The following DEUP1 variants were observed in gnomAD, a reference collection of about 807,000 sequenced individuals.
The protein encoded by DEUP1 is deuterosome assembly protein 1.
A neutral mutation model predicts 87.4 loss-of-function variants in DEUP1; 82 were observed. The ratio of observed to expected loss-of-function variants is 0.94; its 90% CI spans 0.78 to 1.13. The LOEUF is 1.13. Among genes scored for constraint, DEUP1 ranks in the 50% most tolerant of loss-of-function variants. The pLI is 0.00. For synonymous variants in DEUP1, 214 were observed against 222.7 expected (o/e 0.96, Z 0.35); for missense variants, 663 against 681.5 (o/e 0.97, Z 0.30).
At chr11:93,419,873 A>T (rs1311202186) in intron 13 of DEUP1, among the ~76,000 whole-genome samples, 2 of 134,318 alleles carry the variant, frequency 1.5e-5, no homozygotes, top group African/African-American at 6.0e-5. Flanking sequence ...AAAATAAAAT[A>T]AAATAAAAAT....
intron 13 of DEUP1, among the ~76,000 whole-genome samples, chr11:93,418,438 C>T (rs1485407038): frequency 6.6e-6 from 1 of 152,234 alleles, no homozygotes; most frequent in East Asian, 1.9e-4. Flanking sequence ...AAAATGCTCA[C>T]TATCACTGGC....
At chr11:93,416,272 G>A (rs1026040640) in intron 13 of DEUP1, among the ~76,000 whole-genome samples, 1 of 152,024 alleles carries the variant, frequency 6.6e-6, no homozygotes, top group African/African-American at 2.4e-5. Context: ...CAACAAAATT[G>A]ATAGACTGCT....
chr11:93,383,810 G>T (rs1946413130), intron 7 of DEUP1, among the ~76,000 whole-genome samples: 1 of 152,036 alleles, frequency 6.6e-6, no homozygotes, highest in Non-Finnish European at 1.5e-5. Flanking sequence ...TACACTAGAG[G>T]TCTATTTAAC....
Position 93,389,122 on chromosome 11 carries a change from C to A in DEUP1, c.1038C>A (p.Asn346Lys). The A allele has an allele frequency of 1.3e-6, 2 of 1,557,352 alleles. No individual in the cohort carries two copies. The highest frequency in any genetic ancestry group is 1.8e-6 in the Non-Finnish European group (2 of 1,139,284). ...AACCAAATCATGAAAAAGAATTGAA[C>A]AAGGTATGAAAAATAATGAGCTCCA... ...QDQPNHEKEL[N>K]KIRSQLQQVE... The change falls in exon 9 of 14, where the codon AAC becomes AAA. Residue 346 changes from asparagine (N) to lysine (K), a missense_variant. Asn to Lys is a moderately conservative substitution (Grantham distance 94). Transcript: ENST00000298050.
At chr11:93,354,686 C>T (rs1226966579) in intron 2 of DEUP1, among the ~76,000 whole-genome samples, 1 of 152,124 alleles carries the variant, frequency 6.6e-6, no homozygotes. Flanking sequence ...AAGTGGAAAC[C>T]CCTGATAAAC....
chr11:93,396,503 C>A lies in DEUP1; in HGVS notation c.1326+178C>A, dbSNP rs547579312. 7 of 493,618 alleles carry A rather than the reference C, an allele frequency of 1.4e-5. No homozygotes were observed. In the East Asian group the frequency reaches 2.1e-4, roughly 15 times the overall value. The allele number at this position is 493,618 out of a possible 1,614,324, so 30.6% of individuals were successfully genotyped here. A position where few individuals can be genotyped will look rare whatever the true frequency, so the allele number is the denominator to read the frequency against. Reference sequence around the variant, plus strand: ...TCCTCAGGCTAGAACATTGGAATGTCTGGTTTTCTCCCTTGTTCTTTGGTT... The same window carrying A: ...TCCTCAGGCTAGAACATTGGAATGTATGGTTTTCTCCCTTGTTCTTTGGTT... On this transcript the variant is annotated intron_variant, in intron 11 of 13. Coordinates refer to ENST00000298050, the MANE Select transcript of DEUP1 (RefSeq NM_181645.4).
intron 2 of DEUP1, among the ~76,000 whole-genome samples, chr11:93,333,236 A>G (rs1943577496): frequency 6.6e-6 from 1 of 152,190 alleles, no homozygotes; most frequent in Non-Finnish European, 1.5e-5. Context: ...AAGATTGAAG[A>G]TTATGTCTGT....
rs565677651 is a variant in DEUP1 at position 93,419,040 on chromosome 11, C to T, written c.1638+3926C>T. On this transcript the variant is annotated intron_variant, in intron 13 of 13. Transcript: ENST00000298050. ...CACTCTGGGGACTGTTGTGGGGTGG[C>T]GGGAGGGGGGAGGGATAGCATTGGG... Among the ~76,000 whole-genome samples the T allele has an allele frequency of 1.3e-4, 8 of 59,882 alleles. No homozygotes were observed. In the South Asian group the frequency reaches 1.7e-3, roughly 12 times the overall value. 39.3% of individuals were successfully genotyped at this position (59,882 alleles called of 152,430 possible).
At chr11:93,394,354 C>T (rs989989905) in intron 9 of DEUP1, 105 bp from the exon 10 acceptor site, 8 of 716,834 alleles carry the variant, frequency 1.1e-5, no homozygotes, top group South Asian at 5.3e-5. Context: ...TGAAGTGGGC[C>T]CTGACAAAGT....
Position 93,437,847 on chromosome 11 carries a change from C to T in DEUP1, c.*128C>T. ...TCTGTTTCCTTGAGTAAATAATTTC[C>T]GTAAGGCAGCTAGAAAATAGTAAGT... On this transcript the variant is annotated 3_prime_UTR_variant, in exon 14 of 14. Coordinates refer to ENST00000298050, the MANE Select transcript of DEUP1 (RefSeq NM_181645.4). The T allele has an allele frequency of 8.0e-6, 5 of 623,064 alleles. No homozygotes were observed. Among genetic ancestry groups the T allele is most frequent in the Admixed American group, 5.9e-5 (2 of 34,174 alleles). The allele number at this position is 623,064 out of a possible 1,614,324, so 38.6% of individuals were successfully genotyped here.
chr11:93,362,134 AAT>A (rs1467285205), intron 4 of DEUP1, among the ~76,000 whole-genome samples: 2 of 152,034 alleles, frequency 1.3e-5, no homozygotes, highest in African/African-American at 2.4e-5. Context: ...CATAGGAGTA[AAT>A]CTTCATGACC....
intron 12 of DEUP1, among the ~76,000 whole-genome samples, chr11:93,409,122 G>T (rs1012463332): frequency 6.6e-6 from 1 of 152,160 alleles, no homozygotes; most frequent in African/African-American, 2.4e-5. Context: ...CTCCCAAAGT[G>T]CTGGGATTAC....
At chr11:93,418,934 A>G (rs1373241725) in intron 13 of DEUP1, among the ~76,000 whole-genome samples, 1 of 152,032 alleles carries the variant, frequency 6.6e-6, no homozygotes, top group Non-Finnish European at 1.5e-5. Context: ...TCGCAAGAAC[A>G]AAAAACCAAA....
intron 9 of DEUP1, 150 bp from the exon 10 acceptor site, chr11:93,394,309 C>A: frequency 5.7e-6 from 3 of 522,634 alleles, no homozygotes; most frequent in Non-Finnish European, 6.8e-6. Flanking sequence ...TTATATGTAT[C>A]TGTTTTTAAT....
intron 7 of DEUP1, among the ~76,000 whole-genome samples, chr11:93,373,289 G>A (rs1945828486): frequency 6.6e-6 from 1 of 151,904 alleles, no homozygotes; most frequent in South Asian, 2.1e-4. Context: ...CTGAGATTTT[G>A]ATGCACCCAT....
intron 2 of DEUP1, among the ~76,000 whole-genome samples, chr11:93,336,389 G>A (rs1943767739): frequency 7.5e-6 from 1 of 134,222 alleles, no homozygotes; most frequent in Non-Finnish European, 1.7e-5. Context: ...GATTTGGTTA[G>A]GGACACAGAG....
chr11:93,419,890 AAAAAC>A (rs1482376168), intron 13 of DEUP1, among the ~76,000 whole-genome samples: 1 of 151,722 alleles, frequency 6.6e-6, no homozygotes, highest in African/African-American at 2.4e-5. Context: ...AAATTAAAAA[AAAAAC>A]AGGCTCTGAA....
chr11:93,427,240 G>A (rs1947950649), intron 13 of DEUP1, among the ~76,000 whole-genome samples: 2 of 150,968 alleles, frequency 1.3e-5, no homozygotes, highest in Non-Finnish European at 2.9e-5. Flanking sequence ...CAAGGCTACA[G>A]TAACCAAAAC....
chr11:93,410,890 C>T (rs1399839394), intron 12 of DEUP1, among the ~76,000 whole-genome samples: 1 of 152,194 alleles, frequency 6.6e-6, no homozygotes, highest in Non-Finnish European at 1.5e-5. Context: ...TCCTAATAAG[C>T]AGTTTAGGCT....
Sources: gnomAD v4.1 joint callset for allele counts (sites outside exome capture counted in the v4.1 genomes callset) on GRCh38, gnomAD v4.1.1 for gene constraint, MANE v1.5 for transcripts, NCBI Gene and HGNC (gene_info 2026-07-23, HGNC 2026-07-21) for gene names.